GABARAPL1: variants seen among roughly 807,000 people sequenced by gnomAD.
GABARAPL1 encodes gamma-aminobutyric acid receptor-associated protein-like 1.
In GABARAPL1, 4 loss-of-function variants were observed where a neutral mutation model predicts 14.5. The observed-to-expected ratio is 0.28, with a 90% CI of 0.14 to 0.63. The LOEUF is 0.63. GABARAPL1 is among the 30% of genes least tolerant of loss of function. The pLI, the probability that GABARAPL1 is intolerant of heterozygous loss-of-function variation, is 0.84. For missense variants in GABARAPL1, 82 were observed against 139.2 expected (o/e 0.59, Z 2.07); for synonymous variants, 47 against 50.6 (o/e 0.93, Z 0.30).
chr12:10,218,685 T>A (rs1949103631), intron 2 of GABARAPL1, among the ~76,000 whole-genome samples: 1 of 151,942 alleles, frequency 6.6e-6, no homozygotes, highest in Admixed American at 6.6e-5. Context: ...TTAAACCACT[T>A]TTATTTTAAT....
intron 1 of GABARAPL1, 97 bp from the exon 2 acceptor site, chr12:10,217,966 C>G (rs566465138): frequency 8.4e-5 from 63 of 752,348 alleles, no homozygotes; most frequent in Non-Finnish European, 1.4e-4. Flanking sequence ...TAGACAGATT[C>G]ATTTCCAGTA....
intron 1 of GABARAPL1, among the ~76,000 whole-genome samples, chr12:10,217,509 A>G (rs1949097479): frequency 6.6e-6 from 1 of 152,234 alleles, no homozygotes; most frequent in South Asian, 2.1e-4. Context: ...AGGCAGGCAG[A>G]TCACTTGAAG....
chr12:10,220,392 C>T (rs1471199410), intron 2 of GABARAPL1, 48 bp from the exon 3 acceptor site: 10 of 1,610,180 alleles, frequency 6.2e-6, no homozygotes, highest in Non-Finnish European at 7.6e-6. Context: ...CTACTAATTC[C>T]TTGTTTTCTT....
At position 10,214,937 on chromosome 12, in the gene GABARAPL1, C is replaced by A. The variant is rs968211674; in HGVS notation, c.90+1718C>A. ...ATATTTTAGAGCATTCTGTTCTTTTCCTGCTCATAGTTTGGTGTTAAATGT... is the reference window on the plus strand; with the variant it reads ...ATATTTTAGAGCATTCTGTTCTTTTACTGCTCATAGTTTGGTGTTAAATGT... On this transcript the variant is annotated intron_variant, in intron 1 of 3. Coordinates refer to ENST00000266458, the MANE Select transcript of GABARAPL1 (RefSeq NM_031412.4). 2.6e-5 allele frequency among the ~76,000 whole-genome samples: 4 copies of A among 152,134 alleles called. No homozygotes were observed. In the East Asian group the frequency reaches 7.7e-4, roughly 29 times the overall value.
rs1355108946 is a variant in GABARAPL1 at position 10,222,939 on chromosome 12, G to A, written c.*1087G>A. The A allele has an allele frequency of 6.6e-6, 1 of 152,460 alleles. No individual in the cohort carries two copies. The highest frequency in any genetic ancestry group is 2.4e-5 in the African/African-American group (1 of 41,368). 9.4% of individuals were successfully genotyped at this position (152,460 alleles called of 1,614,324 possible). ...ATTTTATTGATTTATTTTCACTTTT[G>A]GGATTTTGTGGGGTGGGAGTGGGGA... On this transcript the variant is annotated 3_prime_UTR_variant, in exon 4 of 4. Coordinates refer to ENST00000266458, the MANE Select transcript of GABARAPL1 (RefSeq NM_031412.4).
At position 10,222,795 on chromosome 12, in the gene GABARAPL1, T is replaced by C. The variant is rs1949126703; in HGVS notation, c.*943T>C. ...ATTCTTGCTCCCATGCTGCTGTCCC[T>C]TCAGGCTCACATGCACAGGAATGCT... On this transcript the variant is annotated 3_prime_UTR_variant, in exon 4 of 4. Transcript: ENST00000266458. 1 of 152,404 alleles carries C rather than the reference T, an allele frequency of 6.6e-6. No homozygotes were observed. The highest frequency in any genetic ancestry group is 2.1e-4 in the South Asian group (1 of 4,836). The allele number at this position is 152,404 out of a possible 1,614,324, so 9.4% of individuals were successfully genotyped here. A position where few individuals can be genotyped will look rare whatever the true frequency, so the allele number is the denominator to read the frequency against.
intron 2 of GABARAPL1, 23 bp from the exon 3 acceptor site, chr12:10,220,417 C>G (rs748324428): frequency 6.2e-7 from 1 of 1,611,624 alleles, no homozygotes. Context: ...TCTTTTCTGC[C>G]CTTTTCTTCT....
chr12:10,221,813 G>C lies in GABARAPL1; in HGVS notation c.315G>C (p.Leu105=). The C allele has an allele frequency of 1.2e-6, 2 of 1,614,028 alleles. No homozygotes were observed. The highest frequency in any genetic ancestry group is 1.7e-6 in the Non-Finnish European group (2 of 1,179,926). ...YEDNHEEDYF[L]YVAYSDESVY... ...ACAATCATGAGGAAGACTATTTTCTGTATGTGGCCTACAGTGATGAGAGTG... is the reference window on the plus strand; with the variant it reads ...ACAATCATGAGGAAGACTATTTTCTCTATGTGGCCTACAGTGATGAGAGTG... The change falls in exon 4 of 4, where the codon CTG becomes CTC. Residue 105 remains leucine (L), a synonymous_variant. Transcript: ENST00000266458.
At position 10,222,670 on chromosome 12, in the gene GABARAPL1, A is replaced by T. The variant is rs1303406216; in HGVS notation, c.*818A>T. ...CCAATTGTAGACTAAAACCACTCTTAGCATCTCCTCTAGTATTTTCCATGT... is the reference window on the plus strand; with the variant it reads ...CCAATTGTAGACTAAAACCACTCTTTGCATCTCCTCTAGTATTTTCCATGT... On this transcript the variant is annotated 3_prime_UTR_variant, in exon 4 of 4. Transcript: ENST00000266458. 2.0e-5 allele frequency: 3 copies of T among 152,220 alleles called. No individual in the cohort carries two copies. The highest frequency in any genetic ancestry group is 7.2e-5 in the African/African-American group (3 of 41,432). The allele number at this position is 152,220 out of a possible 1,614,324, so 9.4% of individuals were successfully genotyped here.
At chr12:10,221,672 A>G in intron 3 of GABARAPL1, 115 bp from the exon 4 acceptor site, 1 of 1,216,080 alleles carries the variant, frequency 8.2e-7, no homozygotes, top group Non-Finnish European at 1.2e-6. Flanking sequence ...CTCCTCTTTT[A>G]AATGGGGACT....
In GABARAPL1 at chr12:10,221,090, C is replaced by T. The variant is rs559895372; in HGVS notation, c.288+532C>T. The T allele has an allele frequency of 1.6e-5, 16 of 985,276 alleles. No individual in the cohort carries two copies. The Admixed American group carries it at 2.5e-4, about 15-fold the overall frequency. The allele number at this position is 985,276 out of a possible 1,614,324, so 61.0% of individuals were successfully genotyped here. Reference sequence around the variant, plus strand: ...ACTCTGAAGTTTTGGCTTAAGACAACCACATTGATACTAAACAAGGGGAAA... The same window carrying T: ...ACTCTGAAGTTTTGGCTTAAGACAATCACATTGATACTAAACAAGGGGAAA... On this transcript the variant is annotated intron_variant, in intron 3 of 3. Coordinates refer to ENST00000266458, the MANE Select transcript of GABARAPL1 (RefSeq NM_031412.4).
chr12:10,212,912 G>A lies in GABARAPL1; in HGVS notation c.-218G>A. The stretch of plus-strand genomic sequence containing the variant: ...TCCCAGCTCTAGCGAAAAGCCGCCG[G>A]TATTTCTCCATCTGGCTCTCCTCTA... On this transcript the variant is annotated 5_prime_UTR_variant, in exon 1 of 4. Transcript: ENST00000266458. The A allele has an allele frequency of 2.0e-6, 1 of 506,122 alleles. No homozygotes were observed. Among genetic ancestry groups the A allele is most frequent in the South Asian group, 2.3e-5 (1 of 43,694 alleles). 31.4% of individuals were successfully genotyped at this position (506,122 alleles called of 1,614,324 possible).
At chr12:10,215,851 C>T (rs1026579231) in intron 1 of GABARAPL1, among the ~76,000 whole-genome samples, 10 of 151,616 alleles carry the variant, frequency 6.6e-5, no homozygotes, top group Admixed American at 2.6e-4. Context: ...ATTTTTTCTA[C>T]AAGAACACAA....
intron 1 of GABARAPL1, among the ~76,000 whole-genome samples, chr12:10,217,251 G>C (rs1414804155): frequency 6.6e-6 from 1 of 152,148 alleles, no homozygotes; most frequent in Non-Finnish European, 1.5e-5. Context: ...ATCATTGTCA[G>C]ACTTGTTTTA....
rs931463604 is a variant in GABARAPL1, at chr12:10,212,999, C to T, written c.-131C>T. Reference sequence around the variant, plus strand: ...CCCCCCCTGCACACTCGGCCCAGCGCTGTTGCCCCCGGAGCGGACGTTTCT... The same window carrying T: ...CCCCCCCTGCACACTCGGCCCAGCGTTGTTGCCCCCGGAGCGGACGTTTCT... On this transcript the variant is annotated 5_prime_UTR_variant, in exon 1 of 4. Transcript: ENST00000266458. 13 of 636,326 alleles carry T rather than the reference C, an allele frequency of 2.0e-5. No individual in the cohort carries two copies. The African/African-American group carries it at 2.2e-4, about 11-fold the overall frequency. The allele number at this position is 636,326 out of a possible 1,614,324, so 39.4% of individuals were successfully genotyped here. A position where few individuals can be genotyped will look rare whatever the true frequency, so the allele number is the denominator to read the frequency against.
chr12:10,212,930 C>T lies in GABARAPL1; in HGVS notation c.-200C>T. On this transcript the variant is annotated 5_prime_UTR_variant, in exon 1 of 4. Coordinates refer to ENST00000266458, the MANE Select transcript of GABARAPL1 (RefSeq NM_031412.4). Reference sequence around the variant, plus strand: ...GCCGCCGGTATTTCTCCATCTGGCTCTCCTCTACCTCCAGGCAGGCTCACC... The same window carrying T: ...GCCGCCGGTATTTCTCCATCTGGCTTTCCTCTACCTCCAGGCAGGCTCACC... The T allele has an allele frequency of 1.8e-6, 1 of 547,144 alleles. No individual in the cohort carries two copies. The highest frequency in any genetic ancestry group is 2.2e-5 in the South Asian group (1 of 46,446). The allele number at this position is 547,144 out of a possible 1,614,324, so 33.9% of individuals were successfully genotyped here.
chr12:10,218,854 A>T (rs893269378), intron 2 of GABARAPL1, among the ~76,000 whole-genome samples: 1 of 151,576 alleles, frequency 6.6e-6, no homozygotes, highest in Admixed American at 6.5e-5. Flanking sequence ...GATTGCAGGC[A>T]CCTGCCACCA....
rs1490810743 is a variant in GABARAPL1, at chr12:10,213,093, G to T, written c.-37G>T. Reference sequence around the variant, plus strand: ...ACAGGGTCAGCGGCGAAGGAGGCAGGCCCCGCGCGGGGATCTCGGAAGCCC... The same window carrying T: ...ACAGGGTCAGCGGCGAAGGAGGCAGTCCCCGCGCGGGGATCTCGGAAGCCC... On this transcript the variant is annotated 5_prime_UTR_variant, in exon 1 of 4. Coordinates refer to ENST00000266458, the MANE Select transcript of GABARAPL1 (RefSeq NM_031412.4). 18 of 1,326,326 alleles carry T rather than the reference G, an allele frequency of 1.4e-5. No homozygotes were observed. Among genetic ancestry groups the T allele is most frequent in the Non-Finnish European group, 1.7e-5 (16 of 935,966 alleles). 82.2% of individuals were successfully genotyped at this position (1,326,326 alleles called of 1,614,324 possible). A position where few individuals can be genotyped will look rare whatever the true frequency, so the allele number is the denominator to read the frequency against.
chr12:10,219,784 A>T (rs565918504), intron 2 of GABARAPL1, among the ~76,000 whole-genome samples: 70 of 152,038 alleles, frequency 4.6e-4, no homozygotes, highest in Admixed American at 9.2e-4. Context: ...CCTGGGTGAC[A>T]GAGTAGAACT....
Sources: allele counts gnomAD v4.1 joint callset (sites outside exome capture counted in the v4.1 genomes callset), GRCh38; gene constraint gnomAD v4.1.1; transcripts MANE v1.5; gene names NCBI Gene and HGNC (gene_info 2026-07-23, HGNC 2026-07-21).